Variants in VWA5B1 observed in about 807,000 individuals in gnomAD.
The protein encoded by VWA5B1 is von Willebrand factor A domain containing 5B1.
Under a neutral mutation model 118.2 loss-of-function variants are expected in VWA5B1, and 115 were observed. The observed-to-expected ratio is 0.97, with a 90% CI of 0.84 to 1.14. The LOEUF (loss-of-function observed/expected upper bound fraction) is 1.14, where lower values mean the gene tolerates loss of function less well. Among genes scored for constraint, VWA5B1 ranks in the 50% most tolerant of loss-of-function variants. The pLI, the probability that VWA5B1 is intolerant of heterozygous loss-of-function variation, is 0.00. For synonymous variants in VWA5B1, 682 were observed against 658.4 expected (o/e 1.04, Z -0.55); for missense variants, 1,596 against 1,603.8 (o/e 1.00, Z 0.08).
chr1:20,319,771 T>TTTATA (rs1316361822), intron 7 of VWA5B1, among the ~76,000 whole-genome samples: 6 of 151,976 alleles, frequency 3.9e-5, no homozygotes, highest in Non-Finnish European at 7.4e-5. Flanking sequence ...GCCAGGAAAA[T>TTTATA]TTATATATGG....
chr1:20,313,009 G>A (rs931589590), intron 3 of VWA5B1, 21 bp downstream of exon 3: 7 of 1,547,394 alleles, frequency 4.5e-6, no homozygotes, highest in Middle Eastern at 1.7e-4. Context: ...CAGAAGGGCT[G>A]CCGCGGGACC....
intron 1 of VWA5B1, among the ~76,000 whole-genome samples, chr1:20,298,231 C>G (rs2088443621): frequency 6.6e-6 from 1 of 151,250 alleles, no homozygotes. Flanking sequence ...TGGTCTCAAA[C>G]TCCTGGCCTC....
At chr1:20,351,923 G>C (rs1156232915) in intron 20 of VWA5B1, 132 bp from the exon 21 acceptor site, 1 of 633,664 alleles carries the variant, frequency 1.6e-6, no homozygotes, top group Non-Finnish European at 2.7e-6. Context: ...CCAGGCTTCT[G>C]CTTCCTTAGC....
At position 20,291,387 on chromosome 1, in the gene VWA5B1, T is replaced by TCTCTCTCTCTCTCTCTCTA. The variant is rs57894456; in HGVS notation, c.-27+299_-27+300insCTCTCTCTCTCTCTCTCTA. Among the ~76,000 whole-genome samples the TCTCTCTCTCTCTCTCTCTA allele has an allele frequency of 2.9e-4, 33 of 114,232 alleles. 1 individual carries two copies. The highest frequency in any genetic ancestry group is 1.2e-3 in the African/African-American group (30 of 24,052). The allele number at this position is 114,232 out of a possible 152,430, so 74.9% of individuals were successfully genotyped here. Reference sequence around the variant, plus strand: ...TCTCTCTCTCTCTCTCTCTCTCTCTTTCTGTCTCCTCTATTTCTCTCCCTC... The same window carrying TCTCTCTCTCTCTCTCTCTA: ...TCTCTCTCTCTCTCTCTCTCTCTCTTCTCTCTCTCTCTCTCTCTATCTGTCTCCTCTATTTCTCTCCCTC... On this transcript the variant is annotated intron_variant, in intron 1 of 21. Coordinates refer to ENST00000289815, the MANE Select transcript of VWA5B1 (RefSeq NM_001039500.3).
chr1:20,309,039 T>A (rs576131860), intron 1 of VWA5B1, among the ~76,000 whole-genome samples: 38 of 152,230 alleles, frequency 2.5e-4, no homozygotes, highest in African/African-American at 8.9e-4. Context: ...CCCCACTTCT[T>A]CAAGGCATGT....
intron 4 of VWA5B1, among the ~76,000 whole-genome samples, chr1:20,315,507 A>G (rs573693322): frequency 6.6e-6 from 1 of 152,332 alleles, no homozygotes; most frequent in East Asian, 1.9e-4. Flanking sequence ...CTATGAAAAT[A>G]AGTGCTATAG....
intron 12 of VWA5B1, among the ~76,000 whole-genome samples, 185 bp from the exon 13 acceptor site, chr1:20,336,118 T>C (rs1315169214): frequency 6.6e-6 from 1 of 152,156 alleles, no homozygotes. Context: ...GAAACGATAA[T>C]TCCATTCACC....
chr1:20,311,610 T>C (rs1333870267), intron 2 of VWA5B1, among the ~76,000 whole-genome samples: 10 of 152,110 alleles, frequency 6.6e-5, no homozygotes. Context: ...ATCAAACTCC[T>C]CTCCTTCCAC....
In VWA5B1 at chr1:20,356,876, C is replaced by T. The variant is rs1029506598; in HGVS notation, c.*2613C>T. Among the ~76,000 whole-genome samples the T allele has an allele frequency of 2.0e-5, 3 of 152,194 alleles. No individual in the cohort carries two copies. The highest frequency in any genetic ancestry group is 2.1e-4 in the South Asian group (1 of 4,830). ...TTGAGATGACATGCAGCCTCAAAAA[C>T]GTGCTACCGGGACTGCTAGGCAGAG... On this transcript the variant is annotated 3_prime_UTR_variant, in exon 22 of 22. Transcript: ENST00000289815.
chr1:20,332,479 C>CAAATAAAATAAAAT (rs2089587672), intron 11 of VWA5B1, among the ~76,000 whole-genome samples: 1 of 88,750 alleles, frequency 1.1e-5, no homozygotes, highest in African/African-American at 4.3e-5. Context: ...GACTCTGTCT[C>CAAATAAAATAAAAT]AAAATAAAAT....
At chr1:20,342,379 T>A in intron 14 of VWA5B1, 53 bp from the exon 15 acceptor site, 2 of 1,533,852 alleles carry the variant, frequency 1.3e-6, no homozygotes, top group Non-Finnish European at 1.8e-6. Context: ...CTTCTCCTCC[T>A]CCTCCTCCTC....
In VWA5B1 at chr1:20,354,165, A is replaced by G; in HGVS notation, c.3550A>G (p.Thr1184Ala). Residue 1184 changes from threonine to alanine, a missense_variant, in exon 22 of 22, where the codon ACA becomes GCA. By Grantham distance (58) the Thr-to-Ala change is moderately conservative. Coordinates refer to ENST00000289815, the MANE Select transcript of VWA5B1 (RefSeq NM_001039500.3). ...QEVPEGRTQG[T>A]LKAAARQLFV... ...AGTACCCGAGGGCCGCACGCAGGGC[A>G]CACTCAAGGCCGCTGCCCGCCAGCT... 1 of 1,551,320 alleles carries G rather than the reference A, an allele frequency of 6.4e-7. No homozygotes were observed. The highest frequency in any genetic ancestry group is 8.7e-7 in the Non-Finnish European group (1 of 1,146,998).
At chr1:20,300,954 G>T (rs1016677466) in intron 1 of VWA5B1, among the ~76,000 whole-genome samples, 1 of 152,236 alleles carries the variant, frequency 6.6e-6, no homozygotes, top group African/African-American at 2.4e-5. Flanking sequence ...GGCAGGACTT[G>T]TCCTCAGGCC....
At chr1:20,295,814 T>C (rs947899422) in intron 1 of VWA5B1, among the ~76,000 whole-genome samples, 1 of 152,128 alleles carries the variant, frequency 6.6e-6, no homozygotes, top group Admixed American at 6.5e-5. Flanking sequence ...TCAGGCCCCA[T>C]GGAGGAGTCT....
Position 20,336,296 on chromosome 1 carries a change from C to A in VWA5B1, c.1759-7C>A. On this transcript the variant is annotated splice_region_variant and splice_polypyrimidine_tract_variant and intron_variant, in intron 12 of 21. Coordinates refer to ENST00000289815, the MANE Select transcript of VWA5B1 (RefSeq NM_001039500.3). ...CTCCTAGCCCTCTTTTCTGTTTCTC[C>A]CTACAGGACAAGAGGCGCCGGTACA... is the stretch of plus-strand genomic sequence containing the variant. 2.8e-6 allele frequency: 4 copies of A among 1,403,692 alleles called. No homozygotes were observed. Among genetic ancestry groups the A allele is most frequent in the Non-Finnish European group, 3.8e-6 (4 of 1,065,878 alleles). The allele number at this position is 1,403,692 out of a possible 1,614,324, so 87.0% of individuals were successfully genotyped here.
intron 8 of VWA5B1, among the ~76,000 whole-genome samples, chr1:20,324,429 T>C (rs576633235): frequency 9.5e-4 from 145 of 152,274 alleles, no homozygotes; most frequent in African/African-American, 3.4e-3. Context: ...AACACTCCCT[T>C]GTATTTTTGA....
intron 14 of VWA5B1, among the ~76,000 whole-genome samples, chr1:20,339,418 T>G (rs2089815676): frequency 6.6e-6 from 1 of 152,130 alleles, no homozygotes. Flanking sequence ...GGCACATGCC[T>G]GTAATTCCAG....
chr1:20,331,306 A>G (rs2100932642), intron 11 of VWA5B1, among the ~76,000 whole-genome samples: 1 of 152,374 alleles, frequency 6.6e-6, no homozygotes, highest in South Asian at 2.1e-4. Flanking sequence ...CATGTTCCTG[A>G]TGATGACAAA....
At position 20,323,529 on chromosome 1, in the gene VWA5B1, C is replaced by T. The variant is rs267598337; in HGVS notation, c.1140C>T (p.Val380=). 4.8e-6 allele frequency: 7 copies of T among 1,452,086 alleles called. No individual in the cohort carries two copies. Among genetic ancestry groups the T allele is most frequent in the Non-Finnish European group, 6.4e-6 (7 of 1,096,580 alleles). The allele number at this position is 1,452,086 out of a possible 1,614,324, so 90.0% of individuals were successfully genotyped here. A position where few individuals can be genotyped will look rare whatever the true frequency, so the allele number is the denominator to read the frequency against. ...TGAGCGGGATCAGCATGCACCGAGT[C>T]AAGGTACCTGCTGAGAGAACCCCTC... ...SSMSGISMHR[V]KDAMLVALKS... The change falls in exon 8 of 22, where the codon GTC becomes GTT. Residue 380 remains valine (V), a synonymous_variant. Coordinates refer to ENST00000289815, the MANE Select transcript of VWA5B1 (RefSeq NM_001039500.3).
Sources: gnomAD v4.1 joint callset for allele counts (sites outside exome capture counted in the v4.1 genomes callset) on GRCh38, gnomAD v4.1.1 for gene constraint, MANE v1.5 for transcripts, NCBI Gene and HGNC (gene_info 2026-07-23, HGNC 2026-07-21) for gene names.